The following CUX2 variants were observed in gnomAD, a reference collection of about 807,000 sequenced individuals.
The protein encoded by CUX2 is cut like homeobox 2, also known as homeobox protein cut-like 2.
In CUX2, 40 loss-of-function variants were observed where a neutral mutation model predicts 144.8. The observed-to-expected ratio is 0.28, with a 90% CI of 0.21 to 0.36. The LOEUF is 0.36. Among genes scored for constraint, CUX2 ranks in the 10% least tolerant of loss-of-function variants. The pLI is 1.00. For synonymous variants in CUX2, 827 were observed against 875.6 expected, an observed-to-expected ratio of 0.94 and a Z score of 0.98; for missense variants, 1,615 against 1,994.0, an observed-to-expected ratio of 0.81 and a Z score of 3.62.
At chr12:111,207,587 T>A (rs1042694643) in intron 1 of CUX2, among the ~76,000 whole-genome samples, 11 of 152,178 alleles carry the variant, frequency 7.2e-5, no homozygotes, top group African/African-American at 2.4e-4. Flanking sequence ...TCACTGCTCA[T>A]CTTTGTTTCT....
intron 3 of CUX2, among the ~76,000 whole-genome samples, chr12:111,227,770 C>G (rs2045632223): frequency 6.6e-6 from 1 of 152,168 alleles, no homozygotes; most frequent in Admixed American, 6.5e-5. Context: ...TGCCCTCACC[C>G]CTCCAACCAG....
intron 1 of CUX2, among the ~76,000 whole-genome samples, chr12:111,140,238 C>T (rs942574735): frequency 4.6e-5 from 7 of 152,146 alleles, no homozygotes; most frequent in African/African-American, 7.2e-5. Context: ...TTTCTGAGGA[C>T]CCCTGCAAGG....
chr12:111,320,641 C>G lies in CUX2; in HGVS notation c.2632C>G (p.Pro878Ala). ...GGCCTACGTGCCGCGCACCCTGAAG[C>G]CCACCGTGCCGCCGCTGACCCCCGA... ...YPAYVPRTLKPTVPPLTPEQY... is the reference protein window; with the variant it reads ...YPAYVPRTLKATVPPLTPEQY... Residue 878 changes from proline to alanine, a missense_variant, in exon 17 of 22, where the codon CCC becomes GCC. Physicochemically the swap from Pro to Ala is conservative, Grantham distance 27. Transcript: ENST00000261726. The surrounding 1 kb of genome is among the most constrained non-coding windows in gnomAD (Gnocchi z 8.1). The G allele has an allele frequency of 6.3e-7, 1 of 1,595,338 alleles. No individual in the cohort carries two copies. The highest frequency in any genetic ancestry group is 1.1e-5 in the South Asian group (1 of 90,606).
At position 111,035,527 on chromosome 12, in the gene CUX2, A is replaced by C. The variant is rs1244058180; in HGVS notation, c.63+1287A>C. Among the ~76,000 whole-genome samples the C allele has an allele frequency of 6.6e-6, 1 of 151,546 alleles. No homozygotes were observed. The highest frequency in any genetic ancestry group is 2.4e-5 in the African/African-American group (1 of 41,156). The stretch of plus-strand genomic sequence containing the variant: ...GATCAGGGGCGGGAAAATGGTGCGG[A>C]TAACAGGGCGGTTAGAGCATCCTGC... On this transcript the variant is annotated intron_variant, in intron 1 of 21. Transcript: ENST00000261726. This position sits in a 1 kb window ranked among gnomAD's most constrained non-coding sequence, Gnocchi z 6.0.
chr12:111,267,908 G>T (rs1592900714), intron 4 of CUX2, among the ~76,000 whole-genome samples: 1 of 152,224 alleles, frequency 6.6e-6, no homozygotes, highest in East Asian at 1.9e-4. Context: ...TGCAACCTCA[G>T]ACTTCTGGGC....
At chr12:111,056,811 G>A (rs902613202) in intron 1 of CUX2, among the ~76,000 whole-genome samples, 1 of 152,232 alleles carries the variant, frequency 6.6e-6, no homozygotes, top group Non-Finnish European at 1.5e-5. Flanking sequence ...GAGGGCGATG[G>A]TGGTGGTGAT....
chr12:111,067,000 G>C (rs2136026219), intron 1 of CUX2, among the ~76,000 whole-genome samples: 1 of 152,358 alleles, frequency 6.6e-6, no homozygotes, highest in East Asian at 1.9e-4. Context: ...TGGCCGTTAT[G>C]AGTCTGTTTC....
chr12:111,338,145 C>A (rs775625446), intron 19 of CUX2, 141 bp from the exon 20 acceptor site: 13 of 843,530 alleles, frequency 1.5e-5, no homozygotes, highest in South Asian at 2.3e-5. Flanking sequence ...GGTCCTCCGC[C>A]GTCTCTGGCC....
chr12:111,070,148 A>C (rs12318502), intron 1 of CUX2, among the ~76,000 whole-genome samples: 54 of 152,320 alleles, frequency 3.5e-4, no homozygotes, highest in African/African-American at 1.3e-3. Flanking sequence ...TGCCCACAGC[A>C]GCCATGGAGG....
At chr12:111,342,094 C>G (rs1565934619) in intron 21 of CUX2, 41 bp downstream of exon 21, 1 of 1,567,346 alleles carries the variant, frequency 6.4e-7, no homozygotes, top group Non-Finnish European at 8.6e-7. Flanking sequence ...GTGGCAGAAT[C>G]CAGGTGGGAC....
chr12:111,095,234 A>G (rs780263960), intron 1 of CUX2, among the ~76,000 whole-genome samples: 28 of 152,202 alleles, frequency 1.8e-4, no homozygotes, highest in Non-Finnish European at 3.7e-4. Flanking sequence ...AGAGGCAGGT[A>G]GATAATTTGA....
At position 111,130,579 on chromosome 12, in the gene CUX2, T is replaced by A. The variant is rs527512885; in HGVS notation, c.64-83621T>A. Among the ~76,000 whole-genome samples the A allele has an allele frequency of 5.3e-5, 8 of 152,374 alleles. No individual in the cohort carries two copies. In the East Asian group the frequency reaches 1.5e-3, roughly 29 times the overall value. ...CAGAGAAGAATGATCTCAGAGCTCT[T>A]CAAGGATGATGGGGCTCCCCCAAAA... On this transcript the variant is annotated intron_variant, in intron 1 of 21. Transcript: ENST00000261726.
At chr12:111,141,757 A>C (rs925557658) in intron 1 of CUX2, among the ~76,000 whole-genome samples, 1 of 152,200 alleles carries the variant, frequency 6.6e-6, no homozygotes, top group Admixed American at 6.5e-5. Flanking sequence ...CACCCAGTAA[A>C]TATTTGCTAT....
chr12:111,123,837 A>G (rs1874866241), intron 1 of CUX2, among the ~76,000 whole-genome samples: 1 of 152,170 alleles, frequency 6.6e-6, no homozygotes, highest in South Asian at 2.1e-4. Context: ...CGCCCAGACA[A>G]ACTTAATCCT....
intron 6 of CUX2, among the ~76,000 whole-genome samples, chr12:111,294,036 G>T (rs1885831264): frequency 6.6e-6 from 1 of 152,230 alleles, no homozygotes; most frequent in Non-Finnish European, 1.5e-5. Context: ...CTGTCACTCA[G>T]GCTGGAGTGC....
chr12:111,150,019 C>T (rs1414339737), intron 1 of CUX2, among the ~76,000 whole-genome samples: 3 of 152,122 alleles, frequency 2.0e-5, no homozygotes, highest in Admixed American at 1.3e-4. Flanking sequence ...GTGAATAAAG[C>T]CAGGAGTAAT....
chr12:111,276,138 A>G (rs1290548070), intron 4 of CUX2, among the ~76,000 whole-genome samples: 1 of 152,148 alleles, frequency 6.6e-6, no homozygotes, highest in African/African-American at 2.4e-5. Flanking sequence ...GGATTGCTTG[A>G]GTCCAGGAGT....
At chr12:111,074,529 G>A (rs145148748) in intron 1 of CUX2, among the ~76,000 whole-genome samples, 1 of 152,110 alleles carries the variant, frequency 6.6e-6, no homozygotes, top group Non-Finnish European at 1.5e-5. Context: ...AACCTTGCCT[G>A]GGACCCCTCT....
intron 4 of CUX2, among the ~76,000 whole-genome samples, 189 bp downstream of exon 4, chr12:111,264,028 TCTTC>T (rs1490913045): frequency 2.0e-5 from 3 of 152,120 alleles, no homozygotes; most frequent in African/African-American, 7.2e-5. Flanking sequence ...GCTCCCCCCA[TCTTC>T]CTTCATCATG....
Sources: allele counts gnomAD v4.1 joint callset (sites outside exome capture counted in the v4.1 genomes callset), GRCh38; gene constraint gnomAD v4.1.1; non-coding constraint Gnocchi (gnomAD v3.1); transcripts MANE v1.5; gene names NCBI Gene and HGNC (gene_info 2026-07-23, HGNC 2026-07-21).